The following MAST2 variants were observed in gnomAD, a reference collection of about 807,000 sequenced individuals.
MAST2 encodes microtubule associated serine/threonine kinase 2, also known as microtubule-associated serine/threonine-protein kinase 2.
MAST2 carries 70 observed loss-of-function variants against 147.4 expected under a neutral mutation model. That is an observed-to-expected ratio of 0.47 (90% CI 0.39 to 0.58). The LOEUF is 0.58. Ranked by LOEUF, MAST2 falls within the 20% of genes least tolerant of loss-of-function variation. MAST2 has a pLI of 0.00. For missense variants in MAST2, 2,080 were observed against 2,302.3 expected (o/e 0.90, Z 1.98); for synonymous variants, 869 against 896.8 (o/e 0.97, Z 0.55).
intron 5 of MAST2, among the ~76,000 whole-genome samples, chr1:45,979,384 A>G (rs958443223): frequency 6.0e-5 from 9 of 151,188 alleles, no homozygotes; most frequent in Non-Finnish European, 8.8e-5. Context: ...CTTAAAGTGG[A>G]AAAAGCCTGC....
rs764890257 is a variant in MAST2 at position 46,002,792 on chromosome 1, T to C, written c.669-13T>C. On this transcript the variant is annotated splice_polypyrimidine_tract_variant and intron_variant, in intron 6 of 28. Transcript: ENST00000361297. The stretch of plus-strand genomic sequence containing the variant: ...TCCTGCAGAAACTGCCTAATACTTT[T>C]TCTTGCATACAGGACTGATGGGCGG... 5.0e-6 allele frequency: 8 copies of C among 1,613,828 alleles called. No individual in the cohort carries two copies. In the Admixed American group the frequency reaches 6.7e-5, roughly 13 times the overall value.
intron 5 of MAST2, among the ~76,000 whole-genome samples, chr1:45,994,239 C>T (rs150325594): frequency 2.2e-4 from 32 of 143,772 alleles, no homozygotes; most frequent in African/African-American, 8.3e-4. Flanking sequence ...AGGTTTATGT[C>T]AGACTGATAG....
intron 4 of MAST2, among the ~76,000 whole-genome samples, chr1:45,929,777 T>C (rs1654982923): frequency 6.6e-6 from 1 of 152,226 alleles, no homozygotes; most frequent in Admixed American, 6.5e-5. Flanking sequence ...TGTTAATATA[T>C]ACATATGTGT....
At chr1:45,876,030 CAA>C (rs1646591583) in intron 3 of MAST2, among the ~76,000 whole-genome samples, 1 of 152,120 alleles carries the variant, frequency 6.6e-6, no homozygotes, top group African/African-American at 2.4e-5. Context: ...AGAGGAAAAA[CAA>C]GAGAATGTGG....
chr1:45,963,423 T>G (rs2148935482), intron 5 of MAST2, among the ~76,000 whole-genome samples: 1 of 152,342 alleles, frequency 6.6e-6, no homozygotes, highest in African/African-American at 2.4e-5. Flanking sequence ...TTTGTTTGTG[T>G]CCTCTTTTAT....
intron 5 of MAST2, among the ~76,000 whole-genome samples, chr1:45,968,107 G>C (rs1643686992): frequency 6.6e-6 from 1 of 152,156 alleles, no homozygotes; most frequent in Admixed American, 6.5e-5. Flanking sequence ...GGGATGTTCA[G>C]CTGGTTAGTA....
At chr1:45,811,836 G>C (rs1474460232) in intron 1 of MAST2, among the ~76,000 whole-genome samples, 1 of 146,304 alleles carries the variant, frequency 6.8e-6, no homozygotes, top group Non-Finnish European at 1.5e-5. Flanking sequence ...GGGTTTCACT[G>C]TGTTAGCCAG....
At chr1:46,002,909 C>A in intron 7 of MAST2, 26 bp downstream of exon 7, 1 of 1,603,204 alleles carries the variant, frequency 6.2e-7, no homozygotes. Flanking sequence ...TGTGGCCATA[C>A]TTCCTTCACC....
intron 15 of MAST2, among the ~76,000 whole-genome samples, chr1:46,024,571 C>G (rs534528891): frequency 1.3e-5 from 2 of 152,300 alleles, no homozygotes; most frequent in South Asian, 4.2e-4. Context: ...TTAGTGTTTA[C>G]TGGGTACATG....
intron 4 of MAST2, among the ~76,000 whole-genome samples, chr1:45,900,172 T>TTAAAAAAAA (rs1557883401): frequency 5.7e-5 from 1 of 17,526 alleles, no homozygotes; most frequent in Admixed American, 5.3e-4. Context: ...TCTCTCTCTC[T>TTAAAAAAAA]CAAAAAAAAA....
At chr1:45,964,502 A>G (rs989244057) in intron 5 of MAST2, among the ~76,000 whole-genome samples, 2 of 152,146 alleles carry the variant, frequency 1.3e-5, no homozygotes, top group Non-Finnish European at 2.9e-5. Context: ...GTTCATTTGC[A>G]TAGAGGTGTT....
intron 4 of MAST2, among the ~76,000 whole-genome samples, chr1:45,927,675 C>T (rs1654617061): frequency 6.6e-6 from 1 of 152,118 alleles, no homozygotes; most frequent in African/African-American, 2.4e-5. Context: ...CAAACACATG[C>T]TGTATAATTT....
At chr1:45,978,253 C>T (rs533791482) in intron 5 of MAST2, among the ~76,000 whole-genome samples, 2 of 152,322 alleles carry the variant, frequency 1.3e-5, no homozygotes, top group South Asian at 2.1e-4. Flanking sequence ...GTGGCTCACG[C>T]CTGTAATGCC....
chr1:45,891,539 A>G (rs981442877), intron 4 of MAST2, among the ~76,000 whole-genome samples: 2 of 152,206 alleles, frequency 1.3e-5, no homozygotes, highest in African/African-American at 4.8e-5. Context: ...TAACTTACAG[A>G]GTTGTAAAGT....
chr1:45,884,400 A>G (rs1646989876), intron 4 of MAST2, among the ~76,000 whole-genome samples: 1 of 152,080 alleles, frequency 6.6e-6, no homozygotes, highest in Non-Finnish European at 1.5e-5. Flanking sequence ...ATAAAAATAA[A>G]AATTAGCCGG....
intron 4 of MAST2, among the ~76,000 whole-genome samples, chr1:45,944,923 G>A (rs937757859): frequency 2.6e-5 from 4 of 152,326 alleles, no homozygotes; most frequent in Admixed American, 1.3e-4. Flanking sequence ...TGAAGGCCAA[G>A]GATTGAGTAT....
chr1:46,022,995 C>T (rs375207657), intron 13 of MAST2, 24 bp downstream of exon 13: 1 of 1,605,252 alleles, frequency 6.2e-7, no homozygotes, highest in Non-Finnish European at 8.5e-7. Flanking sequence ...GCTCCTACCC[C>T]ATTCCTGGAG....
intron 11 of MAST2, among the ~76,000 whole-genome samples, chr1:46,021,591 G>A (rs1464034572): frequency 6.6e-6 from 1 of 152,184 alleles, no homozygotes; most frequent in East Asian, 1.9e-4. Context: ...CCATAATTGA[G>A]TGTGTGCCAG....
At chr1:45,909,795 C>T (rs997310212) in intron 4 of MAST2, among the ~76,000 whole-genome samples, 3 of 152,020 alleles carry the variant, frequency 2.0e-5, no homozygotes, top group Non-Finnish European at 2.9e-5. Context: ...GGATTACAGG[C>T]GTGAGCCACC....
Sources: allele counts gnomAD v4.1 joint callset (sites outside exome capture counted in the v4.1 genomes callset), GRCh38; gene constraint gnomAD v4.1.1; transcripts MANE v1.5; gene names NCBI Gene and HGNC (gene_info 2026-07-23, HGNC 2026-07-21).